The following COG5 variants were observed in gnomAD, a reference collection of about 807,000 sequenced individuals.
COG5 encodes the protein component of oligomeric golgi complex 5.
COG5 carries 86 observed loss-of-function variants against 110.4 expected under a neutral mutation model. That is an observed-to-expected ratio of 0.78 (90% CI 0.65 to 0.93). The LOEUF (loss-of-function observed/expected upper bound fraction) is 0.93. Ranked by LOEUF, COG5 falls within the 40% of genes least tolerant of loss-of-function variation. The pLI, the probability that COG5 is intolerant of heterozygous loss-of-function variation, is 0.00. For missense variants in COG5, 1,077 were observed against 987.0 expected (o/e 1.09, Z -1.22); for synonymous variants, 360 against 334.6 (o/e 1.08, Z -0.83).
At chr7:107,414,674 C>T (rs981562951) in intron 6 of COG5, among the ~76,000 whole-genome samples, 1 of 72,594 alleles carries the variant, frequency 1.4e-5, no homozygotes, top group African/African-American at 3.5e-5. Flanking sequence ...TAGAAAATGT[C>T]TTTATTGATT....
intron 14 of COG5, among the ~76,000 whole-genome samples, chr7:107,270,628 T>TACACAC (rs112944834): frequency 6.6e-6 from 1 of 150,610 alleles, no homozygotes; most frequent in African/African-American, 2.4e-5. Flanking sequence ...AAAGATGTTA[T>TACACAC]ACACACACAC....
intron 11 of COG5, among the ~76,000 whole-genome samples, chr7:107,320,221 T>C (rs867580005): frequency 1.1e-4 from 17 of 152,200 alleles, no homozygotes; most frequent in South Asian, 2.1e-4. Flanking sequence ...AGATGTTGAT[T>C]TTACCTACCT....
In COG5 at chr7:107,474,756, C is replaced by G; in HGVS notation, c.538+52481G>C. ...TTGTAGTAATGTTAATCACATACAC[C>G]AAAATACTTCAGGCTCTTAATATTC... On this transcript the variant is annotated intron_variant, in intron 6 of 21. Transcript: ENST00000297135. This position sits in a 1 kb window ranked among gnomAD's most constrained non-coding sequence, Gnocchi z 5.7. The G allele has an allele frequency of 6.2e-7, 1 of 1,610,016 alleles. No individual in the cohort carries two copies. Among genetic ancestry groups the G allele is most frequent in the African/African-American group, 1.3e-5 (1 of 74,792 alleles).
At chr7:107,430,522 A>G (rs916986807) in intron 6 of COG5, among the ~76,000 whole-genome samples, 1 of 152,186 alleles carries the variant, frequency 6.6e-6, no homozygotes. Flanking sequence ...AGTATGTGTA[A>G]GTCCTCCAGC....
At position 107,517,642 on chromosome 7, in the gene COG5, G is replaced by A. The variant is rs112761295; in HGVS notation, c.538+9595C>T. Reference sequence around the variant, plus strand: ...AAGGGAAGCCCATCAGACTAACAGCGGATCTCTCAGCAGAAACTCTACAAG... The same window carrying A: ...AAGGGAAGCCCATCAGACTAACAGCAGATCTCTCAGCAGAAACTCTACAAG... On this transcript the variant is annotated intron_variant, in intron 6 of 21. Transcript: ENST00000297135. 6.7e-4 allele frequency among the ~76,000 whole-genome samples: 102 copies of A among 151,790 alleles called. 4 individuals are homozygous for A. Among genetic ancestry groups the A allele is most frequent in the African/African-American group, 1.8e-3 (74 of 41,434 alleles).
intron 10 of COG5, among the ~76,000 whole-genome samples, chr7:107,331,523 C>A (rs944737792): frequency 6.6e-6 from 1 of 151,788 alleles, no homozygotes. Flanking sequence ...GAATAGTGTG[C>A]GGGGTGTTAT....
intron 5 of COG5, among the ~76,000 whole-genome samples, chr7:107,530,251 C>T (rs150986752): frequency 3.7e-4 from 57 of 152,286 alleles, no homozygotes; most frequent in African/African-American, 1.3e-3. Flanking sequence ...AGTGGTTTCT[C>T]GGCTAGCTTT....
At chr7:107,420,835 A>G (rs938704183) in intron 6 of COG5, among the ~76,000 whole-genome samples, 1 of 152,202 alleles carries the variant, frequency 6.6e-6, no homozygotes, top group Non-Finnish European at 1.5e-5. Context: ...CCTCAGGCTT[A>G]AGTAAACTCC....
At chr7:107,214,575 A>C (rs959773948) in intron 19 of COG5, among the ~76,000 whole-genome samples, 3 of 152,234 alleles carry the variant, frequency 2.0e-5, no homozygotes, top group Non-Finnish European at 4.4e-5. Context: ...TAGAAGTGTA[A>C]TAGTGGTCTG....
intron 21 of COG5, 95 bp downstream of exon 21, chr7:107,210,431 C>T: frequency 6.5e-7 from 1 of 1,528,832 alleles, no homozygotes; most frequent in Admixed American, 2.0e-5. Context: ...GTCACATGTC[C>T]ATGCCCCCAG....
chr7:107,413,315 C>T (rs1358455002), intron 6 of COG5, among the ~76,000 whole-genome samples: 2 of 151,674 alleles, frequency 1.3e-5, no homozygotes, highest in African/African-American at 2.4e-5. Context: ...AAAAAAGTGG[C>T]CTTCATCATA....
chr7:107,252,810 T>C (rs935499023), intron 16 of COG5, among the ~76,000 whole-genome samples: 2 of 152,112 alleles, frequency 1.3e-5, no homozygotes, highest in Non-Finnish European at 1.5e-5. Flanking sequence ...AGTAGAGCCA[T>C]ATGATTATTT....
chr7:107,278,890 G>A (rs987194609), intron 14 of COG5, among the ~76,000 whole-genome samples: 1 of 152,120 alleles, frequency 6.6e-6, no homozygotes, highest in Non-Finnish European at 1.5e-5. Flanking sequence ...AAGACTTCAT[G>A]ACTAAAACAC....
intron 10 of COG5, among the ~76,000 whole-genome samples, chr7:107,346,190 A>C (rs1811583514): frequency 6.6e-6 from 1 of 152,216 alleles, no homozygotes; most frequent in Non-Finnish European, 1.5e-5. Flanking sequence ...ACATTTTTAT[A>C]CATCAAGAAC....
intron 17 of COG5, among the ~76,000 whole-genome samples, chr7:107,240,834 A>C (rs1445871046): frequency 6.6e-6 from 1 of 152,252 alleles, no homozygotes; most frequent in Non-Finnish European, 1.5e-5. Flanking sequence ...CTTTAAATAA[A>C]AGCAGCAGTG....
In COG5 at chr7:107,211,034, G is replaced by A. The variant is rs943035908; in HGVS notation, c.2295+65C>T. 1.3e-5 allele frequency: 20 copies of A among 1,571,584 alleles called. No homozygotes were observed. In the African/African-American group the frequency reaches 1.9e-4, roughly 15 times the overall value. ...GCCAGGAATCATTCAGTGAGTAGGG[G>A]CTCAGGATTCACACAGGTAATGGGA... On this transcript the variant is annotated intron_variant, in intron 20 of 21. Transcript: ENST00000297135.
chr7:107,253,669 A>G (rs1230135160), intron 16 of COG5, among the ~76,000 whole-genome samples: 1 of 152,166 alleles, frequency 6.6e-6, no homozygotes, highest in African/African-American at 2.4e-5. Context: ...ATATGTGATG[A>G]TGGAGACTCT....
In COG5 at chr7:107,211,234, GA is replaced by G. The variant is rs763138814; in HGVS notation, c.2169-10del. 124 of 1,613,504 alleles carry G rather than the reference GA, an allele frequency of 7.7e-5. No individual in the cohort carries two copies. The highest frequency in any genetic ancestry group is 1.0e-4 in the Non-Finnish European group (121 of 1,179,678). The stretch of plus-strand genomic sequence containing the variant: ...CCTGGAAGAGCAGAGGTCTAGACGG[GA>G]AAAACAGAAGTTATTTCACACTGTT... On this transcript the variant is annotated splice_polypyrimidine_tract_variant and intron_variant, in intron 19 of 21. Transcript: ENST00000297135.
At chr7:107,357,643 T>C (rs1812746686) in intron 10 of COG5, among the ~76,000 whole-genome samples, 1 of 152,132 alleles carries the variant, frequency 6.6e-6, no homozygotes, top group Non-Finnish European at 1.5e-5. Flanking sequence ...TAATGATTCA[T>C]ATGCATTTTC....
Sources: gnomAD v4.1 joint callset for allele counts (sites outside exome capture counted in the v4.1 genomes callset) on GRCh38, gnomAD v4.1.1 for gene constraint, Gnocchi (gnomAD v3.1) non-coding constraint, MANE v1.5 for transcripts, NCBI Gene and HGNC (gene_info 2026-07-23, HGNC 2026-07-21) for gene names.